The following STT3B variants were observed in gnomAD, a reference collection of about 807,000 sequenced individuals.
The protein encoded by STT3B is dolichyl-diphosphooligosaccharide--protein glycosyltransferase subunit STT3B.
STT3B carries 29 observed loss-of-function variants against 96.8 expected under a neutral mutation model. The ratio of observed to expected loss-of-function variants is 0.30; its 90% CI spans 0.22 to 0.41. The LOEUF is 0.41. STT3B is among the 10% of genes least tolerant of loss of function. STT3B has a pLI of 1.00. For synonymous variants in STT3B, 367 were observed against 360.0 expected, an observed-to-expected ratio of 1.02 and a Z score of -0.22; for missense variants, 640 against 1,022.3, an observed-to-expected ratio of 0.63 and a Z score of 5.10.
At chr3:31,538,657 C>T (rs77984854) in intron 1 of STT3B, among the ~76,000 whole-genome samples, 6,634 of 152,136 alleles carry the variant, frequency 0.044, 376 homozygotes, top group East Asian at 0.32. Context: ...TTCTGTAAAT[C>T]CCTGCAATAA....
At chr3:31,539,525 AGC>A (rs1262815889) in intron 1 of STT3B, among the ~76,000 whole-genome samples, 2 of 152,138 alleles carry the variant, frequency 1.3e-5, no homozygotes, top group Non-Finnish European at 2.9e-5. Context: ...CTCCAGGGCC[AGC>A]TTAAATAAAA....
At chr3:31,598,182 A>C (rs1002394555) in intron 4 of STT3B, among the ~76,000 whole-genome samples, 24 of 152,244 alleles carry the variant, frequency 1.6e-4, no homozygotes, top group African/African-American at 5.1e-4. Flanking sequence ...ATATTTTCCA[A>C]GTTAGATTGC....
intron 1 of STT3B, among the ~76,000 whole-genome samples, chr3:31,548,034 T>C (rs1697458266): frequency 6.6e-6 from 1 of 152,172 alleles, no homozygotes; most frequent in Admixed American, 6.5e-5. Flanking sequence ...TCTTGAGACT[T>C]TTGACCAAGT....
chr3:31,590,072 T>A (rs1559377393), intron 3 of STT3B, among the ~76,000 whole-genome samples: 2 of 152,098 alleles, frequency 1.3e-5, no homozygotes, highest in East Asian at 3.9e-4. Flanking sequence ...TTTGGTAATA[T>A]GTATCTTTTT....
intron 3 of STT3B, among the ~76,000 whole-genome samples, chr3:31,589,630 T>A (rs143549542): frequency 9.9e-4 from 150 of 152,124 alleles, no homozygotes; most frequent in African/African-American, 3.5e-3. Flanking sequence ...ACTGACCCAA[T>A]TACTATAACT....
intron 1 of STT3B, among the ~76,000 whole-genome samples, chr3:31,565,138 A>G (rs1697972030): frequency 6.6e-6 from 1 of 152,238 alleles, no homozygotes; most frequent in Non-Finnish European, 1.5e-5. Flanking sequence ...TGATCCATGT[A>G]TAACGTGTAT....
In STT3B at chr3:31,622,288, C is replaced by T; in HGVS notation, c.1519C>T (p.Gln507Ter). 6.2e-7 allele frequency: 1 copy of T among 1,613,844 alleles called. No individual in the cohort carries two copies. The highest frequency in any genetic ancestry group is 8.5e-7 in the Non-Finnish European group (1 of 1,179,844). The change falls in exon 10 of 16, where the codon CAA becomes TAA. Residue 507 changes from glutamine (Q) to a stop codon, truncating the protein, a stop_gained. Coordinates refer to ENST00000295770, the MANE Select transcript of STT3B (RefSeq NM_178862.3). LOFTEE classifies it high-confidence loss of function. ...DSSDEDDKRN[Q>*]GNLYDKAGKV... is the part of the protein sequence containing the mutation. ...CAGTGATGAGGATGACAAAAGAAACCAAGGAAATTTGTATGATAAGGTGGG... is the reference window on the plus strand; with the variant it reads ...CAGTGATGAGGATGACAAAAGAAACTAAGGAAATTTGTATGATAAGGTGGG...
chr3:31,623,636 TAATG>T (rs761314873), intron 10 of STT3B, 34 bp from the exon 11 acceptor site: 4 of 1,491,974 alleles, frequency 2.7e-6, no homozygotes, highest in South Asian at 1.3e-5. Flanking sequence ...GCAAGTCAAA[TAATG>T]AATTTGTCTA....
At chr3:31,549,677 T>C (rs1449540214) in intron 1 of STT3B, among the ~76,000 whole-genome samples, 2 of 152,184 alleles carry the variant, frequency 1.3e-5, no homozygotes. Flanking sequence ...TTATATAGTA[T>C]AATGCATAAT....
chr3:31,606,306 G>A (rs1365388519), intron 5 of STT3B, among the ~76,000 whole-genome samples: 1 of 152,220 alleles, frequency 6.6e-6, no homozygotes, highest in African/African-American at 2.4e-5. Context: ...TGCCAAGACA[G>A]TGGGGGAAAT....
chr3:31,629,035 G>C (rs562096313), intron 13 of STT3B, among the ~76,000 whole-genome samples: 1 of 152,262 alleles, frequency 6.6e-6, no homozygotes, highest in East Asian at 1.9e-4. Flanking sequence ...GAGCCCAGGA[G>C]GTTGAGGCTG....
At chr3:31,613,517 GTT>G (rs1699231786) in intron 5 of STT3B, among the ~76,000 whole-genome samples, 1 of 152,072 alleles carries the variant, frequency 6.6e-6, no homozygotes, top group Non-Finnish European at 1.5e-5. Context: ...TAGAATCTTA[GTT>G]TATAATTGTT....
At chr3:31,593,384 C>T (rs564929804) in intron 3 of STT3B, among the ~76,000 whole-genome samples, 3 of 150,548 alleles carry the variant, frequency 2.0e-5, no homozygotes, top group African/African-American at 7.3e-5. Context: ...TCCTCTTTGT[C>T]TTTATCTGCC....
intron 1 of STT3B, among the ~76,000 whole-genome samples, chr3:31,537,911 G>A (rs1349372501): frequency 6.6e-6 from 1 of 152,116 alleles, no homozygotes; most frequent in African/African-American, 2.4e-5. Flanking sequence ...TCTCCGAAAT[G>A]AAGGATGGAA....
At chr3:31,632,849 A>G in intron 14 of STT3B, 86 bp from the exon 15 acceptor site, 1 of 1,124,214 alleles carries the variant, frequency 8.9e-7, no homozygotes, top group Admixed American at 2.0e-5. Context: ...GGGAGAAGGT[A>G]TTACTGTAAT....
intron 15 of STT3B, among the ~76,000 whole-genome samples, chr3:31,633,896 G>A (rs1321543404): frequency 6.6e-6 from 1 of 152,100 alleles, no homozygotes; most frequent in East Asian, 1.9e-4. Flanking sequence ...GACTGACTTT[G>A]AATCTCATTT....
intron 5 of STT3B, among the ~76,000 whole-genome samples, chr3:31,603,415 C>G (rs1314028046): frequency 6.6e-6 from 1 of 151,762 alleles, no homozygotes; most frequent in Non-Finnish European, 1.5e-5. Flanking sequence ...GAGGCCGTCT[C>G]TACTTGAAAT....
intron 2 of STT3B, among the ~76,000 whole-genome samples, chr3:31,579,477 T>TAAAAAAA (rs1173591549): frequency 3.7e-4 from 25 of 67,438 alleles, no homozygotes; most frequent in African/African-American, 9.5e-4. Context: ...CCTGTTTTGA[T>TAAAAAAA]AAAAAAAAAA....
At chr3:31,534,424 C>T (rs960622028) in intron 1 of STT3B, among the ~76,000 whole-genome samples, 1 of 152,132 alleles carries the variant, frequency 6.6e-6, no homozygotes, top group South Asian at 2.1e-4. Flanking sequence ...AGGATTTTCC[C>T]CTCTGAGAGT....
Sources: allele counts gnomAD v4.1 joint callset (sites outside exome capture counted in the v4.1 genomes callset), GRCh38; gene constraint gnomAD v4.1.1; transcripts MANE v1.5; gene names NCBI Gene and HGNC (gene_info 2026-07-23, HGNC 2026-07-21).